Variants in CBLB observed in about 807,000 individuals in gnomAD.
CBLB encodes E3 ubiquitin-protein ligase CBL-B.
In CBLB, 31 loss-of-function variants were observed where a neutral mutation model predicts 104.9. The observed-to-expected ratio is 0.30, with a 90% confidence interval of 0.22 to 0.40. The LOEUF is 0.40. Among genes scored for constraint, CBLB ranks in the 10% least tolerant of loss-of-function variants. CBLB has a pLI of 1.00. For synonymous variants in CBLB, 440 were observed against 422.6 expected (o/e 1.04, Z -0.51); for missense variants, 1,062 against 1,214.6 (o/e 0.87, Z 1.87).
chr3:105,709,233 A>G (rs945962325), intron 10 of CBLB, among the ~76,000 whole-genome samples: 3 of 152,004 alleles, frequency 2.0e-5, no homozygotes, highest in African/African-American at 7.2e-5. Context: ...TTAACCTAGA[A>G]AGGGTCTTAA....
chr3:105,688,586 A>C (rs1307398015), intron 13 of CBLB, among the ~76,000 whole-genome samples: 1 of 152,096 alleles, frequency 6.6e-6, no homozygotes, highest in Non-Finnish European at 1.5e-5. Context: ...ATCTTCTGTT[A>C]AAATAGAATC....
Position 105,867,270 on chromosome 3 carries a change from G to A in CBLB, c.168+140C>T, listed in dbSNP as rs1427968426. On this transcript the variant is annotated intron_variant, in intron 2 of 18. Coordinates refer to ENST00000394030, the MANE Select transcript of CBLB (RefSeq NM_170662.5). ...AATCCAACTTTTCAAAAAACACAGA[G>A]TTGAAGAAAAATGATGAATTGAAAT... 5 of 935,942 alleles carry A rather than the reference G, an allele frequency of 5.3e-6. No individual in the cohort carries two copies. In the African/African-American group the frequency reaches 8.2e-5, roughly 15 times the overall value. 58.0% of individuals were successfully genotyped at this position (935,942 alleles called of 1,614,324 possible). A position where few individuals can be genotyped will look rare whatever the true frequency, so the allele number is the denominator to read the frequency against.
chr3:105,722,471 C>T (rs990153790), intron 9 of CBLB, among the ~76,000 whole-genome samples: 1 of 152,152 alleles, frequency 6.6e-6, no homozygotes, highest in African/African-American at 2.4e-5. Context: ...GTTCCTTTCA[C>T]TCTTAGATCG....
At chr3:105,673,336 TG>T (rs1311262386) in intron 17 of CBLB, 1 of 152,260 alleles carries the variant, frequency 6.6e-6, no homozygotes, top group African/African-American at 2.4e-5. Flanking sequence ...CCCAAAGTGC[TG>T]GGATTACAGG....
At chr3:105,844,196 C>T (rs1214459772) in intron 3 of CBLB, among the ~76,000 whole-genome samples, 1 of 152,166 alleles carries the variant, frequency 6.6e-6, no homozygotes, top group Non-Finnish European at 1.5e-5. Flanking sequence ...AAGAAATTAC[C>T]TATTCTAGAG....
At chr3:105,677,807 T>C (rs1008829679) in intron 17 of CBLB, among the ~76,000 whole-genome samples, 1 of 148,742 alleles carries the variant, frequency 6.7e-6, no homozygotes, top group African/African-American at 2.4e-5. Flanking sequence ...AAACAAATAA[T>C]ATTATATAAT....
At chr3:105,841,525 T>A (rs1209860284) in intron 3 of CBLB, among the ~76,000 whole-genome samples, 1 of 151,138 alleles carries the variant, frequency 6.6e-6, no homozygotes, top group African/African-American at 2.4e-5. Flanking sequence ...TGATCTCGGC[T>A]CACTGCAAGC....
chr3:105,755,016 C>CTTTTTTT (rs67405809), intron 4 of CBLB, among the ~76,000 whole-genome samples: 3 of 143,888 alleles, frequency 2.1e-5, no homozygotes, highest in East Asian at 2.2e-4. Context: ...AGTATCTTTT[C>CTTTTTTT]TTTTTTTTTT....
At chr3:105,687,712 T>C (rs906710135) in intron 13 of CBLB, among the ~76,000 whole-genome samples, 4 of 151,884 alleles carry the variant, frequency 2.6e-5, no homozygotes, top group African/African-American at 9.7e-5. Flanking sequence ...TTAATATCAG[T>C]ATAATAGTCT....
intron 3 of CBLB, among the ~76,000 whole-genome samples, chr3:105,821,281 T>TATCC (rs1252933306): frequency 6.6e-6 from 1 of 151,922 alleles, no homozygotes; most frequent in Non-Finnish European, 1.5e-5. Flanking sequence ...TCTATCTATC[T>TATCC]ATCTATCTAT....
intron 16 of CBLB, chr3:105,681,251 C>T (rs1271982489): frequency 6.8e-6 from 4 of 585,630 alleles, no homozygotes; most frequent in Middle Eastern, 8.9e-4. Context: ...GACAAAACAA[C>T]TTGCTTAAAA....
intron 3 of CBLB, among the ~76,000 whole-genome samples, chr3:105,833,972 T>C (rs2153082933): frequency 6.6e-6 from 1 of 152,082 alleles, no homozygotes; most frequent in Admixed American, 6.6e-5. Context: ...AGAATTAACT[T>C]GCCCTCTGAA....
intron 13 of CBLB, among the ~76,000 whole-genome samples, chr3:105,690,104 A>G (rs1227472526): frequency 1.3e-5 from 2 of 152,226 alleles, no homozygotes; most frequent in African/African-American, 4.8e-5. Context: ...ATTCTATTTC[A>G]GTAAATATTT....
intron 3 of CBLB, among the ~76,000 whole-genome samples, chr3:105,837,788 G>T (rs1206454050): frequency 6.6e-6 from 1 of 151,670 alleles, no homozygotes; most frequent in Non-Finnish European, 1.5e-5. Context: ...TTCTAAAATC[G>T]CCAGTACTCA....
intron 3 of CBLB, among the ~76,000 whole-genome samples, chr3:105,838,667 C>CCT (rs1553851239): frequency 1.5e-5 from 2 of 137,360 alleles, no homozygotes; most frequent in Non-Finnish European, 3.2e-5. Flanking sequence ...ATGTATCCTT[C>CCT]TTTTTTTTTT....
chr3:105,688,171 C>T (rs998795296), intron 13 of CBLB, among the ~76,000 whole-genome samples: 5 of 151,978 alleles, frequency 3.3e-5, no homozygotes, highest in Non-Finnish European at 7.4e-5. Context: ...TAAAGCTGAA[C>T]AAATTGTATT....
Position 105,849,207 on chromosome 3 carries a change from T to G in CBLB, c.419+4207A>C, listed in dbSNP as rs181803330. Among the ~76,000 whole-genome samples the G allele has an allele frequency of 2.1e-3, 315 of 152,264 alleles. 1 individual carries two copies. The highest frequency in any genetic ancestry group is 7.3e-3 in the African/African-American group (303 of 41,578). ...AGAAAAAGAAACACAGTTCGAAAGT[T>G]TATGTGCCTGTTATGGTGTACCAAG... On this transcript the variant is annotated intron_variant, in intron 3 of 18. Coordinates refer to ENST00000394030, the MANE Select transcript of CBLB (RefSeq NM_170662.5).
chr3:105,700,969 A>C (rs969193480), intron 12 of CBLB, among the ~76,000 whole-genome samples: 2 of 152,240 alleles, frequency 1.3e-5, no homozygotes, highest in African/African-American at 4.8e-5. Flanking sequence ...TAAAATATCA[A>C]TTTAAGGTCT....
chr3:105,813,115 A>T (rs1272242621), intron 3 of CBLB, among the ~76,000 whole-genome samples: 4 of 152,198 alleles, frequency 2.6e-5, no homozygotes, highest in Non-Finnish European at 5.9e-5. Flanking sequence ...CAGGTAACTT[A>T]GCAAACAAAA....
Sources: gnomAD v4.1 joint callset for allele counts (sites outside exome capture counted in the v4.1 genomes callset) on GRCh38, gnomAD v4.1.1 for gene constraint, MANE v1.5 for transcripts, NCBI Gene and HGNC (gene_info 2026-07-23, HGNC 2026-07-21) for gene names.